MEIKIN: variants seen among roughly 807,000 people sequenced by gnomAD.
MEIKIN encodes the protein meiotic kinetochore factor, also known as meiosis-specific kinetochore protein.
intron 9 of MEIKIN, among the ~76,000 whole-genome samples, chr5:131,856,365 C>T (rs181393531): frequency 1.7e-4 from 26 of 152,120 alleles, no homozygotes; most frequent in African/African-American, 6.0e-4. Context: ...AAAGAACCAG[C>T]TGTTCCAGTG....
chr5:131,914,800 A>T (rs1751392257), intron 7 of MEIKIN, among the ~76,000 whole-genome samples: 1 of 152,154 alleles, frequency 6.6e-6, no homozygotes. Context: ...GGGGACAAAG[A>T]CTTAGAAAAC....
intron 5 of MEIKIN, among the ~76,000 whole-genome samples, chr5:131,922,696 C>T (rs866593563): frequency 8.5e-5 from 13 of 152,184 alleles, no homozygotes; most frequent in South Asian, 2.1e-4. Context: ...CCTGTATATT[C>T]GCCCATCCCC....
chr5:131,846,565 G>A lies in MEIKIN; in HGVS notation c.975+4699C>T, dbSNP rs567103272. The stretch of plus-strand genomic sequence containing the variant: ...TTAAAAGTATTATTGACTGGGCATG[G>A]TGGCTGACACCTGTAATCTCAGCTG... On this transcript the variant is annotated intron_variant, in intron 11 of 12. Coordinates refer to ENST00000442687, the MANE Select transcript of MEIKIN (RefSeq NM_001303622.2). Among the ~76,000 whole-genome samples the A allele has an allele frequency of 1.6e-4, 25 of 152,234 alleles. No individual in the cohort carries two copies. The East Asian group carries it at 4.8e-3, about 29-fold the overall frequency.
At chr5:131,922,051 T>C in intron 5 of MEIKIN, 110 bp from the exon 6 acceptor site, 1 of 394,060 alleles carries the variant, frequency 2.5e-6, no homozygotes, top group Non-Finnish European at 4.5e-6. Context: ...GATGGTATTA[T>C]ATTTGAAGGT....
At chr5:131,836,859 T>C (rs886805258) in intron 11 of MEIKIN, among the ~76,000 whole-genome samples, 6 of 152,144 alleles carry the variant, frequency 3.9e-5, no homozygotes, top group African/African-American at 1.2e-4. Context: ...GTTTACTCTA[T>C]TGATAGTTTC....
At chr5:131,884,740 A>G (rs889044001) in intron 8 of MEIKIN, among the ~76,000 whole-genome samples, 2 of 150,832 alleles carry the variant, frequency 1.3e-5, no homozygotes, top group Non-Finnish European at 3.0e-5. Flanking sequence ...GGGGTCCCTA[A>G]TTCCAGGCCT....
At chr5:131,894,659 C>A (rs1751002115) in intron 8 of MEIKIN, among the ~76,000 whole-genome samples, 1 of 152,282 alleles carries the variant, frequency 6.6e-6, no homozygotes, top group East Asian at 1.9e-4. Context: ...CTCTTTGTAG[C>A]AATTGTGAAT....
At chr5:131,857,325 A>T (rs1389198690) in intron 9 of MEIKIN, among the ~76,000 whole-genome samples, 1 of 152,238 alleles carries the variant, frequency 6.6e-6, no homozygotes, top group Non-Finnish European at 1.5e-5. Flanking sequence ...CATTTAAGTT[A>T]AAAAATCTGC....
At chr5:131,897,365 G>A (rs1207017872) in intron 8 of MEIKIN, among the ~76,000 whole-genome samples, 1 of 152,022 alleles carries the variant, frequency 6.6e-6, no homozygotes, top group African/African-American at 2.4e-5. Context: ...TGTGTCTTAG[G>A]GAGGAGTAAC....
intron 9 of MEIKIN, among the ~76,000 whole-genome samples, chr5:131,874,740 T>G (rs1385496991): frequency 6.6e-6 from 1 of 152,092 alleles, no homozygotes; most frequent in African/African-American, 2.4e-5. Context: ...GATGCAAAAA[T>G]CCTCAATAAA....
At chr5:131,942,816 T>C (rs2149656392) in intron 3 of MEIKIN, 121 bp from the exon 4 acceptor site, 2 of 378,642 alleles carry the variant, frequency 5.3e-6, no homozygotes, top group East Asian at 7.6e-5. Flanking sequence ...GTTTCATATA[T>C]ATAATACATT....
chr5:131,812,895 C>T (rs1030692849), intron 12 of MEIKIN, among the ~76,000 whole-genome samples: 4 of 151,576 alleles, frequency 2.6e-5, no homozygotes, highest in Non-Finnish European at 5.9e-5. Context: ...TTTTGAGAAA[C>T]AGCTTTTGGC....
intron 6 of MEIKIN, among the ~76,000 whole-genome samples, chr5:131,920,485 C>A (rs1480918924): frequency 6.6e-6 from 1 of 152,052 alleles, no homozygotes; most frequent in East Asian, 1.9e-4. Flanking sequence ...TGTAGATATT[C>A]AAAAATTACA....
Position 131,822,814 on chromosome 5 carries a change from C to T in MEIKIN, c.976-3951G>A, listed in dbSNP as rs73256038. Among the ~76,000 whole-genome samples the T allele has an allele frequency of 1.9e-3, 290 of 152,150 alleles. 1 individual carries two copies. Among genetic ancestry groups the T allele is most frequent in the African/African-American group, 5.8e-3 (242 of 41,530 alleles). On this transcript the variant is annotated intron_variant, in intron 11 of 12. Coordinates refer to ENST00000442687, the MANE Select transcript of MEIKIN (RefSeq NM_001303622.2). ...TGATTTCTTATTGTTTATTAACATC[C>T]TTTTCTTTCAGAATGAAGAAATCCC...
intron 8 of MEIKIN, among the ~76,000 whole-genome samples, chr5:131,885,347 GA>G (rs1173483516): frequency 2.4e-3 from 4 of 1,636 alleles, no homozygotes; most frequent in Non-Finnish European, 7.4e-3. Context: ...CTGAAAGAGA[GA>G]GAGAGAGAGA....
rs573321600 is a variant in MEIKIN at position 131,807,265 on chromosome 5, A to G, written c.1100-7T>C. 7 of 396,352 alleles carry G rather than the reference A, an allele frequency of 1.8e-5. No homozygotes were observed. The East Asian group carries it at 2.1e-4, about 12-fold the overall frequency. 24.6% of individuals were successfully genotyped at this position (396,352 alleles called of 1,614,324 possible). Reference sequence around the variant, plus strand: ...GCCATTTTTATTATGATATCTGGAGAAAAAAAAATAACAATAGATTACTTT... The same window carrying G: ...GCCATTTTTATTATGATATCTGGAGGAAAAAAAATAACAATAGATTACTTT... On this transcript the variant is annotated splice_region_variant and splice_polypyrimidine_tract_variant and intron_variant, in intron 12 of 12. Transcript: ENST00000442687.
intron 4 of MEIKIN, among the ~76,000 whole-genome samples, chr5:131,934,459 A>G (rs1751741018): frequency 6.6e-6 from 1 of 152,208 alleles, no homozygotes; most frequent in South Asian, 2.1e-4. Context: ...AAGGCAATTC[A>G]GTGGAGAAAG....
intron 9 of MEIKIN, among the ~76,000 whole-genome samples, chr5:131,856,701 T>C (rs1167012050): frequency 6.6e-6 from 1 of 152,166 alleles, no homozygotes. Context: ...GACATAATTG[T>C]CAACTATCAG....
At chr5:131,872,266 T>C (rs1158526256) in intron 9 of MEIKIN, among the ~76,000 whole-genome samples, 1 of 151,940 alleles carries the variant, frequency 6.6e-6, no homozygotes, top group East Asian at 1.9e-4. Flanking sequence ...ATTAGACGAA[T>C]GGATAACTAG....
Sources: allele counts gnomAD v4.1 joint callset (sites outside exome capture counted in the v4.1 genomes callset), GRCh38; gene constraint gnomAD v4.1.1; transcripts MANE v1.5; gene names NCBI Gene and HGNC (gene_info 2026-07-23, HGNC 2026-07-21).